The following PRXL2B variants were observed in gnomAD, a reference collection of about 807,000 sequenced individuals.
PRXL2B encodes the protein peroxiredoxin like 2B.
A neutral mutation model predicts 24.4 loss-of-function variants in PRXL2B; 26 were observed. The ratio of observed to expected loss-of-function variants is 1.07; its 90% confidence interval spans 0.78 to 1.48. PRXL2B has a LOEUF of 1.48. Among genes scored for constraint, PRXL2B ranks in the 40% most tolerant of loss-of-function variants. The probability of loss-of-function intolerance (pLI) is 0.00; values close to 1 mark genes in which losing one functional copy is unlikely to be tolerated. For synonymous variants in PRXL2B, 115 were observed against 118.9 expected (o/e 0.97, Z 0.21); for missense variants, 269 against 264.8 (o/e 1.02, Z -0.11).
At position 2,586,917 on chromosome 1, in the gene PRXL2B, C is replaced by T. The variant is rs1412292027; in HGVS notation, c.32C>T (p.Ala11Val). The change falls in exon 1 of 7, where the codon GCG (alanine) becomes GTG (valine). Residue 11 changes from alanine (A) to valine (V), a missense_variant. Physicochemically the swap from Ala to Val is moderately conservative, Grantham distance 64. Transcript: ENST00000419916. ...ACGGTGGACCTTGCTCGCGTGGGCGCGTGCATCCTGAAGCATGCGGTGACC... is the reference window on the plus strand; with the variant it reads ...ACGGTGGACCTTGCTCGCGTGGGCGTGTGCATCCTGAAGCATGCGGTGACC... MSTVDLARVG[A>V]CILKHAVTGE... 3 of 1,312,858 alleles carry T rather than the reference C, an allele frequency of 2.3e-6. No homozygotes were observed. The highest frequency in any genetic ancestry group is 9.7e-7 in the Non-Finnish European group (1 of 1,032,876). 81.3% of individuals were successfully genotyped at this position (1,312,858 alleles called of 1,614,324 possible). A position where few individuals can be genotyped will look rare whatever the true frequency, so the allele number is the denominator to read the frequency against.
chr1:2,589,548 TC>T lies in PRXL2B; in HGVS notation c.*123del. The T allele has an allele frequency of 6.4e-6, 9 of 1,402,052 alleles. No individual in the cohort carries two copies. The highest frequency in any genetic ancestry group is 7.8e-6 in the Non-Finnish European group (8 of 1,019,222). 86.9% of individuals were successfully genotyped at this position (1,402,052 alleles called of 1,614,324 possible). On this transcript the variant is annotated 3_prime_UTR_variant, in exon 7 of 7. Coordinates refer to ENST00000419916, the MANE Select transcript of PRXL2B (RefSeq NM_152371.5). ...GGTCGGGATGCCGAACCTCTCCTGA[TC>T]CGCCGGCAGCAACGAGCCATTAAAA...
At position 2,588,934 on chromosome 1, in the gene PRXL2B, T is replaced by G. The variant is rs1644602265; in HGVS notation, c.473T>G (p.Val158Gly). Residue 158 changes from valine (V) to glycine (G), a missense_variant, in exon 6 of 7, where the codon GTG (valine) becomes GGG (glycine). Physicochemically the swap from Val to Gly is moderately radical, Grantham distance 109 (BLOSUM62 -3). Coordinates refer to ENST00000419916, the MANE Select transcript of PRXL2B (RefSeq NM_152371.5). The stretch of plus-strand genomic sequence containing the variant: ...CCCGCTGCTACAGGTGGTGATAAAG[T>G]GCTCCTGCATTTCGTCCAGAAGTCC... ...LLVVSKGGDK[V>G]LLHFVQKSPG... The G allele has an allele frequency of 6.2e-7, 1 of 1,613,232 alleles. No homozygotes were observed. The highest frequency in any genetic ancestry group is 8.5e-7 in the Non-Finnish European group (1 of 1,179,974).
rs1644528769 is a variant in PRXL2B, at chr1:2,586,849, G to C, written c.-37G>C. On this transcript the variant is annotated 5_prime_UTR_variant, in exon 1 of 7. Transcript: ENST00000419916. ...AGGAGCCGGGAGCGGGGAACAGGGA[G>C]TCGGGGAGCCGGGAACCAGGGCTGG... The C allele has an allele frequency of 7.8e-7, 1 of 1,285,220 alleles. No homozygotes were observed. Among genetic ancestry groups the C allele is most frequent in the Admixed American group, 4.2e-5 (1 of 24,006 alleles). The allele number at this position is 1,285,220 out of a possible 1,614,324, so 79.6% of individuals were successfully genotyped here.
Position 2,587,442 on chromosome 1 carries a change from C to A in PRXL2B, c.268+147C>A. The A allele has an allele frequency of 1.0e-6, 1 of 988,256 alleles. No individual in the cohort carries two copies. The highest frequency in any genetic ancestry group is 1.5e-6 in the Non-Finnish European group (1 of 668,254). The allele number at this position is 988,256 out of a possible 1,614,324, so 61.2% of individuals were successfully genotyped here. A position where few individuals can be genotyped will look rare whatever the true frequency, so the allele number is the denominator to read the frequency against. Reference sequence around the variant, plus strand: ...GTCAGCGTCCCTCATCTCTCCCTGCCTCCCCGCCCCGCAGCTGGTGGCTGG... The same window carrying A: ...GTCAGCGTCCCTCATCTCTCCCTGCATCCCCGCCCCGCAGCTGGTGGCTGG... On this transcript the variant is annotated intron_variant, in intron 2 of 6. Transcript: ENST00000419916. This position sits in a 1 kb window ranked among gnomAD's most constrained non-coding sequence, Gnocchi z 6.1.
At position 2,588,911 on chromosome 1, in the gene PRXL2B, C is replaced by T. The variant is rs374419742; in HGVS notation, c.461-11C>T. On this transcript the variant is annotated splice_polypyrimidine_tract_variant and intron_variant, in intron 5 of 6. Transcript: ENST00000419916. ...CTCCGGGGTGCCGTGACTGCCTGCC[C>T]GCTGCTACAGGTGGTGATAAAGTGC... is the stretch of plus-strand genomic sequence containing the variant. The T allele has an allele frequency of 2.7e-5, 43 of 1,612,040 alleles. No homozygotes were observed. The highest frequency in any genetic ancestry group is 1.5e-4 in the African/African-American group (11 of 75,032).
In PRXL2B at chr1:2,589,407, C is replaced by T; in HGVS notation, c.580-3C>T. On this transcript the variant is annotated splice_polypyrimidine_tract_variant and splice_region_variant and intron_variant, in intron 6 of 6. Coordinates refer to ENST00000419916, the MANE Select transcript of PRXL2B (RefSeq NM_152371.5). ...GCCCCATGGGACCCTGCTGTCCCCACAGTGTGACAGAGAGGTGTGAGGGAG... is the reference window on the plus strand; with the variant it reads ...GCCCCATGGGACCCTGCTGTCCCCATAGTGTGACAGAGAGGTGTGAGGGAG... The T allele has an allele frequency of 6.2e-7, 1 of 1,613,548 alleles. No homozygotes were observed. The highest frequency in any genetic ancestry group is 1.3e-5 in the African/African-American group (1 of 75,018).
At chr1:2,589,360 TTGTC>T (rs1364877351) in intron 6 of PRXL2B, 46 bp from the exon 7 acceptor site, 2 of 1,604,274 alleles carry the variant, frequency 1.2e-6, no homozygotes, top group Non-Finnish European at 8.5e-7. Flanking sequence ...CTCCAGGCAT[TTGTC>T]TGATCCAGTG....
In PRXL2B at chr1:2,587,203, G is replaced by A. The variant is rs774372262; in HGVS notation, c.176G>A (p.Gly59Glu). 86 of 1,568,204 alleles carry A rather than the reference G, an allele frequency of 5.5e-5. No homozygotes were observed. The highest frequency in any genetic ancestry group is 6.7e-5 in the Non-Finnish European group (78 of 1,163,612). ...WIAQDLSSLA[G>E]LLDQHGVRLV... is the part of the protein sequence containing the mutation. ...GCCCAGGACCTCAGCAGCCTTGCTG[G>A]GCTCCTGGACCAACACGGCGTGCGC... is the stretch of plus-strand genomic sequence containing the variant. The change falls in exon 2 of 7, where the codon GGG (glycine) becomes GAG (glutamate). Residue 59 changes from glycine to glutamate, a missense_variant. Gly to Glu is a moderately conservative substitution (Grantham distance 98). Transcript: ENST00000419916. The surrounding 1 kb of genome is among the most constrained non-coding windows in gnomAD (Gnocchi z 6.1).
chr1:2,586,535 G>A (rs1398594001), upstream of PRXL2B: 1 of 375,412 alleles, frequency 2.7e-6, no homozygotes, highest in Admixed American at 4.7e-5. Context: ...GGAGGCGGGA[G>A]GGACCGAAGC....
chr1:2,590,973 G>A lies in PRXL2B; in HGVS notation c.*1546G>A. Reference sequence around the variant, plus strand: ...GCAGCGGGTGGGCGTGGGCCGCACAGCGCGGCAGGGCCTTGGCTACCACAC... The same window carrying A: ...GCAGCGGGTGGGCGTGGGCCGCACAACGCGGCAGGGCCTTGGCTACCACAC... On this transcript the variant is annotated 3_prime_UTR_variant, in exon 7 of 7. Coordinates refer to ENST00000419916, the MANE Select transcript of PRXL2B (RefSeq NM_152371.5). 1.3e-6 allele frequency: 2 copies of A among 1,548,110 alleles called. No homozygotes were observed. The highest frequency in any genetic ancestry group is 1.7e-6 in the Non-Finnish European group (2 of 1,147,100).
chr1:2,587,155 GGTGCGTGGT>G lies in PRXL2B; in HGVS notation c.133_141del (p.Val45_Cys47del), dbSNP rs779070431. On this transcript the variant is annotated inframe_deletion, in exon 2 of 7. Coordinates refer to ENST00000419916, the MANE Select transcript of PRXL2B (RefSeq NM_152371.5). This position sits in a 1 kb window ranked among gnomAD's most constrained non-coding sequence, Gnocchi z 6.1. ...GTGGTGGCCGGGCTGCGGCGCTTCG[GGTGCGTGGT>G]GTGCCGCTGGATCGCCCAGGACCTC... 9 of 1,547,882 alleles carry G rather than the reference GGTGCGTGGT, an allele frequency of 5.8e-6. No homozygotes were observed. The South Asian group carries it at 1.1e-4, about 18-fold the overall frequency.
upstream of PRXL2B, chr1:2,586,596 G>C (rs1464685152): frequency 1.8e-6 from 1 of 563,640 alleles, no homozygotes; most frequent in African/African-American, 1.9e-5. Context: ...CCTGGAGTAG[G>C]AGGGGAAACA....
At position 2,587,036 on chromosome 1, in the gene PRXL2B, G is replaced by T; in HGVS notation, c.64-55G>T. On this transcript the variant is annotated intron_variant, in intron 1 of 6. Transcript: ENST00000419916. The surrounding 1 kb of genome is among the most constrained non-coding windows in gnomAD (Gnocchi z 6.1). ...AGCGATGGGGTGGTGGGGGCCGCGG[G>T]GCCTGGGCGGGGCTGGGGGCAACGG... The T allele has an allele frequency of 7.4e-7, 1 of 1,344,884 alleles. No homozygotes were observed. The highest frequency in any genetic ancestry group is 9.5e-7 in the Non-Finnish European group (1 of 1,056,750). The allele number at this position is 1,344,884 out of a possible 1,614,324, so 83.3% of individuals were successfully genotyped here. A position where few individuals can be genotyped will look rare whatever the true frequency, so the allele number is the denominator to read the frequency against.
At chr1:2,588,304 C>T (rs771246744) in intron 3 of PRXL2B, 86 bp from the exon 4 acceptor site, 33 of 1,586,500 alleles carry the variant, frequency 2.1e-5, no homozygotes, top group Non-Finnish European at 2.7e-5. Flanking sequence ...TGGGGCCTGA[C>T]CTAGGAACTG....
At chr1:2,588,790 C>G in intron 5 of PRXL2B, 132 bp from the exon 6 acceptor site, 1 of 1,176,848 alleles carries the variant, frequency 8.5e-7, no homozygotes, top group Non-Finnish European at 1.2e-6. Flanking sequence ...TGTGGCAGAA[C>G]AGCTCACTCA....
At position 2,588,600 on chromosome 1, in the gene PRXL2B, C is replaced by T. The variant is rs536749188; in HGVS notation, c.435C>T (p.Ser145=). The T allele has an allele frequency of 8.9e-5, 143 of 1,614,028 alleles. 1 individual carries two copies. The highest frequency in any genetic ancestry group is 6.9e-4 in the South Asian group (63 of 91,080). Residue 145 remains serine, a synonymous_variant, in exon 5 of 7, where the codon AGC becomes AGT. Coordinates refer to ENST00000419916, the MANE Select transcript of PRXL2B (RefSeq NM_152371.5). ...ACTTGTCTGGGGACCTGCTGCAGAG[C>T]GGAGGGCTGCTGGTGGTCAGCAAAG... The part of the protein sequence containing the change: ...QGNLSGDLLQ[S]GGLLVVSKGG...
At chr1:2,589,136 C>T (rs767840240) in intron 6 of PRXL2B, 96 bp downstream of exon 6, 89 of 1,227,750 alleles carry the variant, frequency 7.2e-5, no homozygotes, top group Admixed American at 1.6e-4. Context: ...TGAGCCACAG[C>T]GCTGTGGGCA....
Position 2,586,901 on chromosome 1 carries a change from C to G in PRXL2B, c.16C>G (p.Leu6Val). ...AGCGGCCGCCATGAGCACGGTGGAC[C>G]TTGCTCGCGTGGGCGCGTGCATCCT... MSTVD[L>V]ARVGACILKH... Residue 6 changes from leucine to valine, a missense_variant, in exon 1 of 7, where the codon CTT becomes GTT. By Grantham distance (32) the Leu-to-Val change is conservative (BLOSUM62 1). Transcript: ENST00000419916. 1 of 1,311,254 alleles carries G rather than the reference C, an allele frequency of 7.6e-7. No individual in the cohort carries two copies. Among genetic ancestry groups the G allele is most frequent in the Middle Eastern group, 2.8e-4 (1 of 3,576 alleles). The allele number at this position is 1,311,254 out of a possible 1,614,324, so 81.2% of individuals were successfully genotyped here.
rs544254509 is a variant in PRXL2B at position 2,589,755 on chromosome 1, T to C, written c.*328T>C. 4.6e-4 allele frequency: 220 copies of C among 473,518 alleles called. 2 individuals carry two copies. The South Asian group carries it at 4.8e-3, about 10-fold the overall frequency. 29.3% of individuals were successfully genotyped at this position (473,518 alleles called of 1,614,324 possible). On this transcript the variant is annotated 3_prime_UTR_variant, in exon 7 of 7. Transcript: ENST00000419916. ...CCTTTGGCCTGTGGGGCACTGGGGATGGTAACCTCACTGCCCCGTCACTCC... is the reference window on the plus strand; with the variant it reads ...CCTTTGGCCTGTGGGGCACTGGGGACGGTAACCTCACTGCCCCGTCACTCC...
Sources: gnomAD v4.1 joint callset for allele counts on GRCh38, gnomAD v4.1.1 for gene constraint, Gnocchi (gnomAD v3.1) non-coding constraint, MANE v1.5 for transcripts, NCBI Gene and HGNC (gene_info 2026-07-23, HGNC 2026-07-21) for gene names.